MMP26: variants seen among roughly 807,000 people sequenced by gnomAD.
MMP26 encodes matrix metalloproteinase-26.
MMP26 carries 33 observed loss-of-function variants against 31.0 expected under a neutral mutation model. That is an observed-to-expected ratio of 1.06 (90% CI 0.81 to 1.42). The LOEUF is 1.42. Among genes scored for constraint, MMP26 ranks in the 40% most tolerant of loss-of-function variants. The pLI is 0.00. For synonymous variants in MMP26, 122 were observed against 114.9 expected (o/e 1.06, Z -0.40); for missense variants, 347 against 316.1 (o/e 1.10, Z -0.74).
At chr11:4,978,414 G>A (rs1846768446) in intron 2 of MMP26, among the ~76,000 whole-genome samples, 1 of 151,876 alleles carries the variant, frequency 6.6e-6, no homozygotes, top group African/African-American at 2.4e-5. Flanking sequence ...TTGCTTACTG[G>A]TATCTTAGAA....
chr11:4,872,165 G>C (rs554362469), intron 2 of MMP26, among the ~76,000 whole-genome samples: 20 of 152,152 alleles, frequency 1.3e-4, no homozygotes, highest in African/African-American at 4.8e-4. Context: ...CCTGGAACAT[G>C]AACAAGCACT....
chr11:4,788,947 G>A (rs1269600512), intron 2 of MMP26, among the ~76,000 whole-genome samples: 1 of 152,058 alleles, frequency 6.6e-6, no homozygotes, highest in Admixed American at 6.5e-5. Context: ...TTTTTGCCCT[G>A]GTATTACCTA....
intron 2 of MMP26, among the ~76,000 whole-genome samples, chr11:4,807,654 A>T (rs922930194): frequency 6.6e-6 from 1 of 152,034 alleles, no homozygotes; most frequent in Non-Finnish European, 1.5e-5. Flanking sequence ...GCATTAGGAG[A>T]AATACCTAAT....
At chr11:4,935,794 T>C (rs1298359182) in intron 2 of MMP26, among the ~76,000 whole-genome samples, 2 of 151,648 alleles carry the variant, frequency 1.3e-5, no homozygotes, top group Non-Finnish European at 2.9e-5. Flanking sequence ...GAAGAGTTGT[T>C]GAATTTTGTC....
At chr11:4,860,209 G>A (rs577760181) in intron 2 of MMP26, 1 of 471,070 alleles carries the variant, frequency 2.1e-6, no homozygotes, top group Admixed American at 2.3e-5. Flanking sequence ...AAAGGCCATG[G>A]ACACTAGGAC....
chr11:4,988,402 T>C (rs571462117), intron 3 of MMP26, 92 bp downstream of exon 3: 2 of 888,562 alleles, frequency 2.3e-6, no homozygotes, highest in South Asian at 2.6e-5. Context: ...CATGGTATAA[T>C]GATAAATACA....
Position 4,893,142 on chromosome 11 carries a change from G to A in MMP26, c.-144-94926G>A, listed in dbSNP as rs565851780. Among the ~76,000 whole-genome samples the A allele has an allele frequency of 1.4e-4, 21 of 151,788 alleles. No homozygotes were observed. In the South Asian group the frequency reaches 3.6e-3, roughly 26 times the overall value. On this transcript the variant is annotated intron_variant, in intron 2 of 7. Coordinates refer to ENST00000380390, the MANE Select transcript of MMP26 (RefSeq NM_021801.5). ...CAGTCTGTATACAAGAATGGTCTAC[G>A]TAGTATAATATACATACTACATATT...
chr11:4,829,164 T>A (rs1010865572), intron 2 of MMP26, among the ~76,000 whole-genome samples: 15 of 152,306 alleles, frequency 9.8e-5, no homozygotes, highest in African/African-American at 3.6e-4. Flanking sequence ...ACCAAAAAAA[T>A]TCTGACCTTA....
rs142349421 is a variant in MMP26 at position 4,743,255 on chromosome 11, A to C, written c.-216-24015A>C. Reference sequence around the variant, plus strand: ...GGCATCAGGTTTTCAAACACTTGACACTTGATAGGCTTATTTTTCTCTTCC... The same window carrying C: ...GGCATCAGGTTTTCAAACACTTGACCCTTGATAGGCTTATTTTTCTCTTCC... On this transcript the variant is annotated intron_variant, in intron 1 of 7. Transcript: ENST00000380390. Among the ~76,000 whole-genome samples the C allele has an allele frequency of 6.5e-3, 986 of 152,296 alleles. 18 individuals carry two copies. Among genetic ancestry groups the C allele is most frequent in the African/African-American group, 0.022 (919 of 41,576 alleles).
At chr11:4,876,270 C>T (rs1432049699) in intron 2 of MMP26, 3 of 152,128 alleles carry the variant, frequency 2.0e-5, no homozygotes, top group African/African-American at 7.2e-5. Flanking sequence ...CTTGATATTT[C>T]TGAATTGCAT....
At chr11:4,859,928 C>T (rs1236276063) in intron 2 of MMP26, 1 of 471,142 alleles carries the variant, frequency 2.1e-6, no homozygotes, top group Admixed American at 2.3e-5. Context: ...GTGAGGAGAA[C>T]ATCGAGCCCC....
intron 6 of MMP26, 88 bp from the exon 7 acceptor site, chr11:4,991,876 C>G (rs1847009059): frequency 8.2e-7 from 1 of 1,224,432 alleles, no homozygotes; most frequent in Non-Finnish European, 1.1e-6. Flanking sequence ...GTTTTCTGTT[C>G]TCTCCTTTTT....
chr11:4,731,714 A>G (rs1848176498), intron 1 of MMP26, among the ~76,000 whole-genome samples: 1 of 152,246 alleles, frequency 6.6e-6, no homozygotes, highest in Non-Finnish European at 1.5e-5. Context: ...GCATGTGTGC[A>G]TGCACATGTG....
chr11:4,991,894 C>A, intron 6 of MMP26, 70 bp from the exon 7 acceptor site: 1 of 1,348,574 alleles, frequency 7.4e-7, no homozygotes, highest in Non-Finnish European at 9.9e-7. Flanking sequence ...TTTCTTTGTC[C>A]TATTTCACAC....
At position 4,739,307 on chromosome 11, in the gene MMP26, G is replaced by C. The variant is rs189218787; in HGVS notation, c.-216-27963G>C. Among the ~76,000 whole-genome samples, 3 of 152,262 alleles carry C rather than the reference G, an allele frequency of 2.0e-5. No homozygotes were observed. In the East Asian group the frequency reaches 5.8e-4, roughly 29 times the overall value. Reference sequence around the variant, plus strand: ...CACCGGGAAGTGGCATCTGAAATGAGTCTTATTGCCATGCAGGTGAGGTCC... The same window carrying C: ...CACCGGGAAGTGGCATCTGAAATGACTCTTATTGCCATGCAGGTGAGGTCC... On this transcript the variant is annotated intron_variant, in intron 1 of 7. Transcript: ENST00000380390.
chr11:4,875,703 G>A (rs555597835), intron 2 of MMP26: 30 of 152,202 alleles, frequency 2.0e-4, no homozygotes, highest in Admixed American at 8.5e-4. Context: ...CACAATGCAG[G>A]ATAAACTCTA....
chr11:4,765,047 G>A (rs1287297274), intron 1 of MMP26, among the ~76,000 whole-genome samples: 1 of 152,168 alleles, frequency 6.6e-6, no homozygotes, highest in African/African-American at 2.4e-5. Flanking sequence ...AGATTTGGTT[G>A]CTTGGCTTCT....
chr11:4,983,068 G>C (rs1429712622), intron 2 of MMP26, among the ~76,000 whole-genome samples: 1 of 152,164 alleles, frequency 6.6e-6, no homozygotes, highest in Non-Finnish European at 1.5e-5. Context: ...CTTAAAGCAG[G>C]CTTTGTGTCT....
rs369061824 is a variant in MMP26, at chr11:4,860,268, G to T, written c.-145+92927G>T. The T allele has an allele frequency of 2.5e-4, 117 of 471,334 alleles. No individual in the cohort carries two copies. The East Asian group carries it at 6.9e-3, about 28-fold the overall frequency. 29.2% of individuals were successfully genotyped at this position (471,334 alleles called of 1,614,324 possible). ...CATGGATGAAGAACATCTGCATGAT[G>T]CATGCATCAAAAACAATCTGAGGGG... On this transcript the variant is annotated intron_variant, in intron 2 of 7. Transcript: ENST00000380390.
Sources: gnomAD v4.1 joint callset for allele counts (sites outside exome capture counted in the v4.1 genomes callset) on GRCh38, gnomAD v4.1.1 for gene constraint, MANE v1.5 for transcripts, NCBI Gene and HGNC (gene_info 2026-07-23, HGNC 2026-07-21) for gene names.